ATXN2: variants seen among roughly 807,000 people sequenced by gnomAD.
ATXN2 encodes the protein ataxin-2.
In ATXN2, 37 loss-of-function variants were observed where a neutral mutation model predicts 138.6. That is an observed-to-expected ratio of 0.27 (90% CI 0.21 to 0.35). The LOEUF (loss-of-function observed/expected upper bound fraction) is 0.35, where lower values mean the gene tolerates loss of function less well. Ranked by LOEUF, ATXN2 falls within the 10% of genes least tolerant of loss-of-function variation. ATXN2 has a pLI of 1.00. For missense variants in ATXN2, 1,216 were observed against 1,480.3 expected, an observed-to-expected ratio of 0.82 and a Z score of 2.93; for synonymous variants, 549 against 543.7, an observed-to-expected ratio of 1.01 and a Z score of -0.13.
rs1212271399 is a variant in ATXN2, at chr12:111,509,638, T to C, written c.1865-19A>G. The C allele has an allele frequency of 7.2e-7, 1 of 1,393,392 alleles. No homozygotes were observed. Among genetic ancestry groups the C allele is most frequent in the South Asian group, 1.3e-5 (1 of 79,612 alleles). The allele number at this position is 1,393,392 out of a possible 1,614,324, so 86.3% of individuals were successfully genotyped here. A position where few individuals can be genotyped will look rare whatever the true frequency, so the allele number is the denominator to read the frequency against. On this transcript the variant is annotated intron_variant, in intron 13 of 24. Coordinates refer to ENST00000673436, the MANE Select transcript of ATXN2 (RefSeq NM_001372574.1). The stretch of plus-strand genomic sequence containing the variant: ...GATATACCTGTAAAATTAAGAACTG[T>C]TAAGACACAGGTTTATTTTTAAACT...
intron 14 of ATXN2, among the ~76,000 whole-genome samples, chr12:111,489,875 C>T (rs1053560799): frequency 1.3e-5 from 2 of 152,040 alleles, no homozygotes; most frequent in African/African-American, 4.8e-5. Flanking sequence ...ATGATAGACT[C>T]GTCAAAAGGA....
At chr12:111,488,331 G>T in intron 15 of ATXN2, 145 bp downstream of exon 15, 1 of 748,344 alleles carries the variant, frequency 1.3e-6, no homozygotes, top group Non-Finnish European at 2.1e-6. Context: ...TCATTTGTTT[G>T]GACTAGCTGT....
At chr12:111,538,016 A>C (rs1881288115) in intron 5 of ATXN2, among the ~76,000 whole-genome samples, 1 of 152,026 alleles carries the variant, frequency 6.6e-6, no homozygotes. Context: ...GAATCACCTG[A>C]ACCCATGAGT....
intron 1 of ATXN2, among the ~76,000 whole-genome samples, chr12:111,559,775 AACAAAAAAAAAAAAACT>A (rs993319487): frequency 1.4e-5 from 2 of 146,036 alleles, no homozygotes; most frequent in African/African-American, 5.6e-5. Flanking sequence ...TATCTCAAAA[AACAAAAAAAAAAAAACT>A]ACAAAAAAAA....
intron 18 of ATXN2, among the ~76,000 whole-genome samples, chr12:111,480,923 G>A (rs1002096393): frequency 7.2e-5 from 11 of 152,122 alleles, no homozygotes; most frequent in African/African-American, 2.7e-4. Flanking sequence ...ATGACATCAG[G>A]AGCAACAGCA....
chr12:111,582,304 G>A (rs1884048853), intron 1 of ATXN2, among the ~76,000 whole-genome samples: 1 of 151,242 alleles, frequency 6.6e-6, no homozygotes, highest in Non-Finnish European at 1.5e-5. Flanking sequence ...AATTAACCAG[G>A]CATGATGGCA....
At chr12:111,518,493 A>G in intron 8 of ATXN2, 66 bp from the exon 9 acceptor site, 3 of 1,470,420 alleles carry the variant, frequency 2.0e-6, no homozygotes, top group Non-Finnish European at 9.2e-7. Flanking sequence ...AACATATCTA[A>G]AAGTCATCTA....
chr12:111,529,056 G>A (rs552311070), intron 5 of ATXN2, among the ~76,000 whole-genome samples: 1 of 151,968 alleles, frequency 6.6e-6, no homozygotes, highest in African/African-American at 2.4e-5. Flanking sequence ...CTGGGCTCAA[G>A]CAATCCTCCC....
At chr12:111,544,442 T>C (rs1254521543) in intron 5 of ATXN2, among the ~76,000 whole-genome samples, 3 of 152,126 alleles carry the variant, frequency 2.0e-5, no homozygotes, top group Admixed American at 6.5e-5. Flanking sequence ...TACTAGACCA[T>C]GAGAATAAAT....
chr12:111,535,514 C>T (rs1002703012), intron 5 of ATXN2, among the ~76,000 whole-genome samples: 8 of 151,922 alleles, frequency 5.3e-5, no homozygotes, highest in East Asian at 1.9e-4. Flanking sequence ...CTCAGCTTCT[C>T]GGGAGGCTCA....
chr12:111,513,232 T>C, intron 11 of ATXN2, 125 bp downstream of exon 11: 1 of 1,116,018 alleles, frequency 9.0e-7, no homozygotes, highest in Non-Finnish European at 1.3e-6. Flanking sequence ...TCCCAATTCC[T>C]GGTGATTCTA....
intron 5 of ATXN2, among the ~76,000 whole-genome samples, chr12:111,536,436 A>G (rs1238671187): frequency 1.3e-5 from 2 of 152,174 alleles, no homozygotes; most frequent in Admixed American, 6.5e-5. Flanking sequence ...ATAATCAAAG[A>G]GACAGACAAT....
At chr12:111,475,151 T>C (rs1254433321) in intron 18 of ATXN2, among the ~76,000 whole-genome samples, 1 of 151,544 alleles carries the variant, frequency 6.6e-6, no homozygotes, top group Non-Finnish European at 1.5e-5. Flanking sequence ...GAGGCGGAGC[T>C]TGCAGTGAGC....
intron 12 of ATXN2, 46 bp downstream of exon 12, chr12:111,510,339 A>T: frequency 6.3e-7 from 1 of 1,575,112 alleles, no homozygotes; most frequent in Non-Finnish European, 8.7e-7. Flanking sequence ...TCTAACATTC[A>T]ATTTCACAGC....
intron 1 of ATXN2, among the ~76,000 whole-genome samples, chr12:111,589,382 C>G (rs1338846757): frequency 6.6e-6 from 1 of 152,140 alleles, no homozygotes; most frequent in African/African-American, 2.4e-5. Flanking sequence ...CCTGTAATCC[C>G]AGCACCTTGG....
At chr12:111,575,650 G>C (rs572096653) in intron 1 of ATXN2, among the ~76,000 whole-genome samples, 1 of 151,958 alleles carries the variant, frequency 6.6e-6, no homozygotes, top group African/African-American at 2.4e-5. Flanking sequence ...GACCTCATCT[G>C]GCTTATTCAC....
chr12:111,565,081 G>A (rs1011345114), intron 1 of ATXN2, among the ~76,000 whole-genome samples: 51 of 151,806 alleles, frequency 3.4e-4, no homozygotes, highest in African/African-American at 1.2e-3. Flanking sequence ...GAAGTTTTAT[G>A]TACATATAAG....
Position 111,512,616 on chromosome 12 carries a change from G to A in ATXN2, c.1558+741C>T, listed in dbSNP as rs374596062. 9.9e-5 allele frequency: 15 copies of A among 152,118 alleles called. No homozygotes were observed. The East Asian group carries it at 2.7e-3, about 27-fold the overall frequency. The allele number at this position is 152,118 out of a possible 1,614,324, so 9.4% of individuals were successfully genotyped here. A position where few individuals can be genotyped will look rare whatever the true frequency, so the allele number is the denominator to read the frequency against. On this transcript the variant is annotated intron_variant, in intron 11 of 24. Coordinates refer to ENST00000673436, the MANE Select transcript of ATXN2 (RefSeq NM_001372574.1). ...ACTACAGGCACCCGCCACCATGCCCGGCTAATTTTTTTTGTACTTTTAGTA... is the reference window on the plus strand; with the variant it reads ...ACTACAGGCACCCGCCACCATGCCCAGCTAATTTTTTTTGTACTTTTAGTA...
chr12:111,580,419 G>C (rs549344196), intron 1 of ATXN2, among the ~76,000 whole-genome samples: 1 of 151,158 alleles, frequency 6.6e-6, no homozygotes, highest in Non-Finnish European at 1.5e-5. Context: ...GATTGCTTGA[G>C]CCCAAGAATT....
Sources: gnomAD v4.1 joint callset for allele counts (sites outside exome capture counted in the v4.1 genomes callset) on GRCh38, gnomAD v4.1.1 for gene constraint, MANE v1.5 for transcripts, NCBI Gene and HGNC (gene_info 2026-07-23, HGNC 2026-07-21) for gene names.